CLMN: variants seen among roughly 807,000 people sequenced by gnomAD.
CLMN encodes the protein calmin, also known as calmin (calponin-like, transmembrane).
A neutral mutation model predicts 92.7 loss-of-function variants in CLMN; 57 were observed. The observed-to-expected ratio is 0.61, with a 90% CI of 0.50 to 0.77. The LOEUF (loss-of-function observed/expected upper bound fraction) is 0.77, where lower values mean the gene tolerates loss of function less well. CLMN is among the 30% of genes least tolerant of loss of function. The pLI, the probability that CLMN is intolerant of heterozygous loss-of-function variation, is 0.00. For missense variants in CLMN, 1,158 were observed against 1,237.5 expected (o/e 0.94, Z 0.96); for synonymous variants, 466 against 470.6 (o/e 0.99, Z 0.13).
At chr14:95,306,359 A>C (rs1390177649) in intron 1 of CLMN, among the ~76,000 whole-genome samples, 1 of 151,592 alleles carries the variant, frequency 6.6e-6, no homozygotes, top group African/African-American at 2.4e-5. Flanking sequence ...GAAAACACAA[A>C]AAAATTAGCT....
chr14:95,196,087 G>A (rs1896703551), intron 10 of CLMN, among the ~76,000 whole-genome samples: 1 of 152,222 alleles, frequency 6.6e-6, no homozygotes, highest in Admixed American at 6.5e-5. Flanking sequence ...TTGGTGGAAA[G>A]GTGGATATGC....
At chr14:95,302,056 AAAAG>A (rs1901080958) in intron 1 of CLMN, among the ~76,000 whole-genome samples, 1 of 152,202 alleles carries the variant, frequency 6.6e-6, no homozygotes, top group East Asian at 1.9e-4. Flanking sequence ...CCATCTCGAA[AAAAG>A]AAAGGAAGCA....
chr14:95,235,490 G>A (rs1280834459), intron 1 of CLMN, among the ~76,000 whole-genome samples: 14 of 152,174 alleles, frequency 9.2e-5, no homozygotes. Context: ...AGACACACAG[G>A]CTCCACCACA....
intron 1 of CLMN, among the ~76,000 whole-genome samples, chr14:95,295,668 C>T (rs537705417): frequency 1.3e-5 from 2 of 152,134 alleles, no homozygotes; most frequent in Admixed American, 6.5e-5. Flanking sequence ...GGGAGAGGCC[C>T]GTTGGGACAA....
chr14:95,248,664 G>C (rs1898665927), intron 1 of CLMN, among the ~76,000 whole-genome samples: 1 of 152,166 alleles, frequency 6.6e-6, no homozygotes, highest in Admixed American at 6.5e-5. Flanking sequence ...CTCTGCAGAT[G>C]GATGCGTGCT....
intron 1 of CLMN, among the ~76,000 whole-genome samples, chr14:95,240,293 T>C (rs1898200519): frequency 1.3e-5 from 2 of 152,316 alleles, no homozygotes; most frequent in South Asian, 4.2e-4. Flanking sequence ...CCTTCTCCTT[T>C]CTGGCACACA....
intron 1 of CLMN, among the ~76,000 whole-genome samples, chr14:95,255,674 C>A (rs566599116): frequency 6.6e-5 from 10 of 152,118 alleles, no homozygotes. Flanking sequence ...TCCTTCCACC[C>A]TTTCACAATT....
At chr14:95,199,552 A>AT (rs1896817756) in intron 9 of CLMN, among the ~76,000 whole-genome samples, 5 of 152,062 alleles carry the variant, frequency 3.3e-5, no homozygotes, top group Admixed American at 6.5e-5. Flanking sequence ...TTTGTCCCCT[A>AT]CACTGGCAGG....
chr14:95,267,467 T>A (rs1296023959), intron 1 of CLMN, among the ~76,000 whole-genome samples: 1 of 152,096 alleles, frequency 6.6e-6, no homozygotes, highest in Non-Finnish European at 1.5e-5. Context: ...GAAACGCAAA[T>A]TGAAACCACA....
intron 2 of CLMN, among the ~76,000 whole-genome samples, chr14:95,226,560 G>GA (rs1412064019): frequency 6.6e-6 from 1 of 152,050 alleles, no homozygotes; most frequent in East Asian, 1.9e-4. Context: ...GCAGGGTCCA[G>GA]AAACTTGCAT....
At chr14:95,287,342 C>A (rs1162859648) in intron 1 of CLMN, among the ~76,000 whole-genome samples, 1 of 152,230 alleles carries the variant, frequency 6.6e-6, no homozygotes, top group Non-Finnish European at 1.5e-5. Flanking sequence ...ATGCAACATG[C>A]AAACTACAGA....
chr14:95,216,201 G>A (rs1331732290), intron 4 of CLMN, among the ~76,000 whole-genome samples: 2 of 152,210 alleles, frequency 1.3e-5, no homozygotes, highest in Non-Finnish European at 2.9e-5. Flanking sequence ...AAGAGAACGT[G>A]TGCAGGGGAA....
chr14:95,255,938 G>A (rs939267410), intron 1 of CLMN, among the ~76,000 whole-genome samples: 1 of 152,170 alleles, frequency 6.6e-6, no homozygotes, highest in Admixed American at 6.5e-5. Flanking sequence ...TAGCAGAACT[G>A]ACAGTACTAG....
intron 12 of CLMN, chr14:95,193,440 A>C (rs1401762202): frequency 3.5e-6 from 5 of 1,429,162 alleles, no homozygotes. Flanking sequence ...GAGAATGGAC[A>C]GGCGTCAGGG....
chr14:95,313,316 G>C (rs1421074943), intron 1 of CLMN, among the ~76,000 whole-genome samples: 2 of 152,234 alleles, frequency 1.3e-5, no homozygotes, highest in African/African-American at 4.8e-5. Flanking sequence ...TTTCTACACT[G>C]GGCTGGATGA....
intron 1 of CLMN, among the ~76,000 whole-genome samples, chr14:95,309,023 A>G (rs1901410676): frequency 1.3e-5 from 2 of 152,286 alleles, no homozygotes; most frequent in South Asian, 2.1e-4. Context: ...AACGGGGGCC[A>G]TGAAGATTGT....
rs368900284 is a variant in CLMN at position 95,204,370 on chromosome 14, C to T, written c.979G>A (p.Val327Ile). ...TPSEQESKVF[V>I]LTENGERTYT... ...GTACGCTCCCCATTTTCAGTCAGAACGAAGACTTTGCTCTCCTGTTCAGAA... is the reference window on the plus strand; with the variant it reads ...GTACGCTCCCCATTTTCAGTCAGAATGAAGACTTTGCTCTCCTGTTCAGAA... Residue 327 changes from valine (V) to isoleucine (I), a missense_variant, in exon 9 of 13, where the codon GTT becomes ATT. Coordinates refer to ENST00000298912, the MANE Select transcript of CLMN (RefSeq NM_024734.4). 116 of 1,613,926 alleles carry T rather than the reference C, an allele frequency of 7.2e-5. No homozygotes were observed. Among genetic ancestry groups the T allele is most frequent in the Admixed American group, 3.3e-4 (20 of 59,992 alleles).
At chr14:95,287,866 C>T (rs1900403264) in intron 1 of CLMN, among the ~76,000 whole-genome samples, 1 of 152,170 alleles carries the variant, frequency 6.6e-6, no homozygotes, top group African/African-American at 2.4e-5. Context: ...TCTGCATTTC[C>T]CTCCCTGTGC....
At chr14:95,319,305 A>T (rs1412923217) in intron 1 of CLMN, among the ~76,000 whole-genome samples, 2 of 10,448 alleles carry the variant, frequency 1.9e-4, no homozygotes, top group African/African-American at 4.7e-4. Flanking sequence ...GCGCGAACTC[A>T]CACACACACA....
Sources: gnomAD v4.1 joint callset for allele counts (sites outside exome capture counted in the v4.1 genomes callset) on GRCh38, gnomAD v4.1.1 for gene constraint, MANE v1.5 for transcripts, NCBI Gene and HGNC (gene_info 2026-07-23, HGNC 2026-07-21) for gene names.